Variants in LRP2 observed in about 807,000 individuals in gnomAD.
LRP2 encodes LDL receptor related protein 2.
A neutral mutation model predicts 531.0 loss-of-function variants in LRP2; 172 were observed. That is an observed-to-expected ratio of 0.32 (90% CI 0.29 to 0.37). LRP2 has a LOEUF of 0.37. Ranked by LOEUF, LRP2 falls within the 10% of genes least tolerant of loss-of-function variation. The pLI, the probability that LRP2 is intolerant of heterozygous loss-of-function variation, is 1.00. For synonymous variants in LRP2, 1,992 were observed against 2,027.6 expected (o/e 0.98, Z 0.47); for missense variants, 5,167 against 5,868.3 (o/e 0.88, Z 3.90).
rs746620514 is a variant in LRP2 at position 169,307,358 on chromosome 2, T to C, written c.350A>G (p.Asn117Ser). ...GTATTCACTTGGGATACACTGACCA[T>C]TGGAGCATGTTATCTGATGACTTGA... ...TCSSHQITCS[N>S]GQCIPSEYRC... is the part of the protein sequence containing the mutation. The change falls in exon 4 of 79, where the codon AAT becomes AGT. Residue 117 changes from asparagine to serine, a missense_variant. By Grantham distance (46) the Asn-to-Ser change is conservative (BLOSUM62 1). Coordinates refer to ENST00000649046, the MANE Select transcript of LRP2 (RefSeq NM_004525.3). The C allele has an allele frequency of 1.4e-5, 22 of 1,613,760 alleles. No individual in the cohort carries two copies. The highest frequency in any genetic ancestry group is 1.7e-5 in the Non-Finnish European group (20 of 1,179,758).
At position 169,294,192 on chromosome 2, in the gene LRP2, T is replaced by C; in HGVS notation, c.608A>G (p.Asp203Gly). The C allele has an allele frequency of 6.2e-7, 1 of 1,614,016 alleles. No homozygotes were observed. Among genetic ancestry groups the C allele is most frequent in the Non-Finnish European group, 8.5e-7 (1 of 1,179,912 alleles). ...GCCGTCTTGGCAATCATTGTCATGG[T>C]CACAGACATAAGCACGAGGGATACA... ...GECIPRAYVC[D>G]HDNDCQDGSD... Residue 203 changes from aspartate (D) to glycine (G), a missense_variant, in exon 6 of 79, where the codon GAC becomes GGC. Around this residue, in one of 6 missense-constraint regions of LRP2, gnomAD observed 2,811 missense variants for 3,058.0 expected, o/e 0.92. Coordinates refer to ENST00000649046, the MANE Select transcript of LRP2 (RefSeq NM_004525.3).
intron 34 of LRP2, among the ~76,000 whole-genome samples, chr2:169,219,976 G>A (rs1040580254): frequency 6.6e-6 from 1 of 151,930 alleles, no homozygotes; most frequent in African/African-American, 2.4e-5. Context: ...CTCTGGTTCC[G>A]GCTCTCCCCA....
Position 169,198,777 on chromosome 2 carries a change from C to T in LRP2, c.8578+9G>A, listed in dbSNP as rs1323857571. The T allele has an allele frequency of 1.2e-6, 2 of 1,613,226 alleles. No homozygotes were observed. Among genetic ancestry groups the T allele is most frequent in the Non-Finnish European group, 1.7e-6 (2 of 1,179,452 alleles). ...AACGATAGAAAGAAAGCAGTTTTAT[C>T]TTACTCACTGCAATAAGTAGGGTTT... On this transcript the variant is annotated intron_variant, in intron 45 of 78. Coordinates refer to ENST00000649046, the MANE Select transcript of LRP2 (RefSeq NM_004525.3).
At chr2:169,192,136 G>T in intron 47 of LRP2, 103 bp from the exon 48 acceptor site, 2 of 788,754 alleles carry the variant, frequency 2.5e-6, no homozygotes, top group Non-Finnish European at 4.0e-6. Context: ...GAAAGGAAAT[G>T]GGAGGAAAAC....
At position 169,340,769 on chromosome 2, in the gene LRP2, A is replaced by C. The variant is rs568865130; in HGVS notation, c.80-19885T>G. Among the ~76,000 whole-genome samples, 57 of 152,306 alleles carry C rather than the reference A, an allele frequency of 3.7e-4. No individual in the cohort carries two copies. In the Middle Eastern group the frequency reaches 0.014, roughly 36 times the overall value. On this transcript the variant is annotated intron_variant, in intron 1 of 78. Coordinates refer to ENST00000649046, the MANE Select transcript of LRP2 (RefSeq NM_004525.3). The stretch of plus-strand genomic sequence containing the variant: ...GAGAATTAAATGTTTGTCTTGTTCA[A>C]GCCAAACAAAATCCTCTCTGCGACA...
intron 31 of LRP2, among the ~76,000 whole-genome samples, chr2:169,227,737 A>G (rs1689254336): frequency 6.6e-6 from 1 of 152,072 alleles, no homozygotes; most frequent in Non-Finnish European, 1.5e-5. Context: ...TATCATTTCT[A>G]TTACTGAGAA....
chr2:169,203,505 A>G (rs959265113), intron 42 of LRP2, among the ~76,000 whole-genome samples: 1 of 152,228 alleles, frequency 6.6e-6, no homozygotes, highest in African/African-American at 2.4e-5. Flanking sequence ...TCACGCCTGT[A>G]ATCCCAGCAT....
chr2:169,186,627 G>A (rs1322443128), intron 49 of LRP2, among the ~76,000 whole-genome samples: 18 of 152,122 alleles, frequency 1.2e-4, no homozygotes, highest in Admixed American at 1.2e-3. Context: ...CAAATATCAG[G>A]CCAAGCTCTT....
At chr2:169,274,985 C>T (rs765829388) in intron 14 of LRP2, 51 bp downstream of exon 14, 3 of 1,579,970 alleles carry the variant, frequency 1.9e-6, no homozygotes, top group Non-Finnish European at 8.7e-7. Context: ...TTGAGAAAAC[C>T]TTTCCACCAA....
intron 27 of LRP2, 134 bp downstream of exon 27, chr2:169,237,957 G>A (rs931421423): frequency 1.3e-6 from 1 of 759,034 alleles, no homozygotes; most frequent in South Asian, 1.5e-5. Context: ...CAAGTCTCTT[G>A]GGTATGATGT....
At chr2:169,227,727 T>G (rs1689253903) in intron 31 of LRP2, among the ~76,000 whole-genome samples, 1 of 152,224 alleles carries the variant, frequency 6.6e-6, no homozygotes, top group Non-Finnish European at 1.5e-5. Context: ...TTCTTGTTCC[T>G]ATCATTTCTA....
chr2:169,299,147 GAAA>G lies in LRP2; in HGVS notation c.428-4440_428-4438del, dbSNP rs1559064003. Among the ~76,000 whole-genome samples, 5 of 43,954 alleles carry G rather than the reference GAAA, an allele frequency of 1.1e-4. 1 individual carries two copies. The East Asian group carries it at 2.4e-3, about 21-fold the overall frequency. The allele number at this position is 43,954 out of a possible 152,430, so 28.8% of individuals were successfully genotyped here. A position where few individuals can be genotyped will look rare whatever the true frequency, so the allele number is the denominator to read the frequency against. On this transcript the variant is annotated intron_variant, in intron 4 of 78. Coordinates refer to ENST00000649046, the MANE Select transcript of LRP2 (RefSeq NM_004525.3). ...AGAAAGAAAGAAAGAAAGAAAGAAA[GAAA>G]GAAAGAAAAAAAGAAAGAAAGAAAA... is the stretch of plus-strand genomic sequence containing the variant.
At chr2:169,313,493 C>T (rs2105504668) in intron 3 of LRP2, among the ~76,000 whole-genome samples, 1 of 152,288 alleles carries the variant, frequency 6.6e-6, no homozygotes, top group East Asian at 1.9e-4. Flanking sequence ...CCCTGTTTGC[C>T]TGGGTATCAT....
intron 4 of LRP2, among the ~76,000 whole-genome samples, chr2:169,306,991 A>G (rs1353628875): frequency 6.6e-6 from 1 of 152,212 alleles, no homozygotes; most frequent in South Asian, 2.1e-4. Flanking sequence ...TCTGTACTCA[A>G]TGTATTTAAT....
intron 8 of LRP2, among the ~76,000 whole-genome samples, chr2:169,289,956 A>T (rs1447386546): frequency 6.6e-6 from 1 of 152,208 alleles, no homozygotes; most frequent in Admixed American, 6.5e-5. Context: ...AACAAAAAAT[A>T]ACCTTGGGGT....
intron 33 of LRP2, among the ~76,000 whole-genome samples, chr2:169,222,270 C>T (rs916495050): frequency 6.6e-6 from 1 of 152,100 alleles, no homozygotes; most frequent in Non-Finnish European, 1.5e-5. Context: ...AGGGAAACAG[C>T]GCTCTGTATT....
chr2:169,273,423 A>G (rs1683474089), intron 14 of LRP2, among the ~76,000 whole-genome samples: 1 of 152,198 alleles, frequency 6.6e-6, no homozygotes. Flanking sequence ...TTTGTAGGAT[A>G]TAATAAATAT....
At position 169,213,783 on chromosome 2, in the gene LRP2, A is replaced by G; in HGVS notation, c.5914T>C (p.Phe1972Leu). ...HPWGIAVHDS[F>L]LYYTDEQYEV... ...TACTGTTCATCAGTATAATAAAGGA[A>G]AGAATCATGGACTGCAATTCCCCAG... is the stretch of plus-strand genomic sequence containing the variant. The change falls in exon 36 of 79, where the codon TTC (phenylalanine) becomes CTC (leucine). Residue 1972 changes from phenylalanine to leucine, a missense_variant. Around this residue, in one of 6 missense-constraint regions of LRP2, gnomAD observed 2,811 missense variants for 3,058.0 expected, o/e 0.92. Transcript: ENST00000649046. The G allele has an allele frequency of 6.2e-7, 1 of 1,613,822 alleles. No homozygotes were observed. The highest frequency in any genetic ancestry group is 1.1e-5 in the South Asian group (1 of 91,076).
intron 3 of LRP2, among the ~76,000 whole-genome samples, chr2:169,317,519 T>C (rs1259158414): frequency 6.6e-6 from 1 of 152,186 alleles, no homozygotes; most frequent in Non-Finnish European, 1.5e-5. Context: ...AAAAGCTGGA[T>C]AATATTTCTG....
Sources: gnomAD v4.1 joint callset for allele counts (sites outside exome capture counted in the v4.1 genomes callset) on GRCh38, gnomAD v4.1.1 for gene constraint, gnomAD v4.1.1 regional missense constraint, MANE v1.5 for transcripts, NCBI Gene and HGNC (gene_info 2026-07-23, HGNC 2026-07-21) for gene names.